PHACTR1: variants seen among roughly 807,000 people sequenced by gnomAD.
PHACTR1 encodes the protein RPEL repeat containing 1.
In PHACTR1, 16 loss-of-function variants were observed where a neutral mutation model predicts 69.2. That is an observed-to-expected ratio of 0.23 (90% CI 0.16 to 0.35). The LOEUF (loss-of-function observed/expected upper bound fraction) is 0.35. PHACTR1 is among the 10% of genes least tolerant of loss of function. The probability of loss-of-function intolerance (pLI) is 1.00; values close to 1 mark genes in which losing one functional copy is unlikely to be tolerated. For synonymous variants in PHACTR1, 312 were observed against 284.5 expected (o/e 1.10, Z -0.97); for missense variants, 510 against 734.7 (o/e 0.69, Z 3.54).
At chr6:12,839,383 G>A (rs1778471468) in intron 4 of PHACTR1, among the ~76,000 whole-genome samples, 1 of 152,108 alleles carries the variant, frequency 6.6e-6, no homozygotes, top group Non-Finnish European at 1.5e-5. Flanking sequence ...TTCCCTTCAA[G>A]TCAGTCAGCA....
intron 10 of PHACTR1, among the ~76,000 whole-genome samples, chr6:13,235,529 T>G (rs1771858819): frequency 6.6e-6 from 1 of 152,352 alleles, no homozygotes; most frequent in Admixed American, 6.5e-5. Context: ...GCTCTGGCAC[T>G]TCCTCACTTT....
chr6:13,206,632 AAAG>A (rs752997258), intron 8 of PHACTR1, among the ~76,000 whole-genome samples: 30 of 152,210 alleles, frequency 2.0e-4, no homozygotes, highest in Non-Finnish European at 3.7e-4. Context: ...TAATAAAAAC[AAAG>A]AAGATGATTA....
At chr6:13,160,712 T>C (rs933603511) in intron 6 of PHACTR1, among the ~76,000 whole-genome samples, 20 of 152,164 alleles carry the variant, frequency 1.3e-4, no homozygotes, top group African/African-American at 4.3e-4. Flanking sequence ...TGTTTGTTTG[T>C]TTGCTTTTGG....
At chr6:12,964,762 A>G (rs936270607) in intron 4 of PHACTR1, among the ~76,000 whole-genome samples, 5 of 152,202 alleles carry the variant, frequency 3.3e-5, no homozygotes, top group African/African-American at 7.2e-5. Context: ...ATGATAATAA[A>G]TAATAATAAT....
At chr6:12,829,687 G>T (rs1042684163) in intron 4 of PHACTR1, among the ~76,000 whole-genome samples, 8 of 152,066 alleles carry the variant, frequency 5.3e-5, no homozygotes, top group African/African-American at 1.9e-4. Flanking sequence ...AGGCGCGGTG[G>T]CTCATGCCTG....
At chr6:13,258,031 T>G (rs1775411885) in intron 10 of PHACTR1, among the ~76,000 whole-genome samples, 1 of 152,120 alleles carries the variant, frequency 6.6e-6, no homozygotes, top group Non-Finnish European at 1.5e-5. Context: ...AGTGCAGGTT[T>G]GAATTACCTG....
In PHACTR1 at chr6:13,002,929, T is replaced by A. The variant is rs1469852421; in HGVS notation, c.251-50436T>A. ...TAGGTAATGGAGCAGTGTCTATATA[T>A]TTACCTTGCATGCAAAACAAGTGTG... On this transcript the variant is annotated intron_variant, in intron 4 of 14. Transcript: ENST00000332995. Among the ~76,000 whole-genome samples the A allele has an allele frequency of 5.3e-5, 8 of 152,326 alleles. No homozygotes were observed. The East Asian group carries it at 9.6e-4, about 18-fold the overall frequency.
At chr6:13,192,961 G>C (rs1763802834) in intron 7 of PHACTR1, among the ~76,000 whole-genome samples, 1 of 152,130 alleles carries the variant, frequency 6.6e-6, no homozygotes, top group Non-Finnish European at 1.5e-5. Context: ...AATTAACCCT[G>C]ATTCCCCTGT....
chr6:12,733,765 G>A (rs960080716), intron 3 of PHACTR1, among the ~76,000 whole-genome samples: 6 of 152,162 alleles, frequency 3.9e-5, no homozygotes, highest in African/African-American at 1.4e-4. Context: ...TATCACTTGT[G>A]TGTACACTGA....
chr6:13,049,511 A>G (rs755515716), intron 4 of PHACTR1, among the ~76,000 whole-genome samples: 1 of 152,168 alleles, frequency 6.6e-6, no homozygotes, highest in Non-Finnish European at 1.5e-5. Flanking sequence ...TATTTTAAAA[A>G]CTTCACTTTT....
chr6:13,034,522 C>G (rs939613290), intron 4 of PHACTR1, among the ~76,000 whole-genome samples: 4 of 152,090 alleles, frequency 2.6e-5, no homozygotes, highest in Admixed American at 1.3e-4. Context: ...AGAAAGAGCT[C>G]AAGATGAAAA....
chr6:13,284,630 C>T (rs142593114), intron 13 of PHACTR1, among the ~76,000 whole-genome samples: 285 of 133,060 alleles, frequency 2.1e-3, no homozygotes, highest in African/African-American at 7.9e-3. Context: ...GTGTAGGTAA[C>T]GATAGAAACT....
Position 13,278,423 on chromosome 6 carries a change from C to G in PHACTR1, c.1509+94C>G, listed in dbSNP as rs908392827. The G allele has an allele frequency of 3.2e-5, 35 of 1,083,012 alleles. No homozygotes were observed. In the African/African-American group the frequency reaches 3.8e-4, roughly 12 times the overall value. The allele number at this position is 1,083,012 out of a possible 1,614,324, so 67.1% of individuals were successfully genotyped here. ...GCTGGCCTCAGTGGCCTCACCGCTG[C>G]CTGGTTCCTCTCCTCCTGTGTCAGA... On this transcript the variant is annotated intron_variant, in intron 12 of 14. Coordinates refer to ENST00000332995, the MANE Select transcript of PHACTR1 (RefSeq NM_030948.6).
intron 4 of PHACTR1, among the ~76,000 whole-genome samples, chr6:12,927,336 T>A (rs186271371): frequency 1.3e-5 from 2 of 152,214 alleles, no homozygotes; most frequent in Non-Finnish European, 2.9e-5. Flanking sequence ...CTTCTTTGTC[T>A]TTATATCTTC....
intron 4 of PHACTR1, among the ~76,000 whole-genome samples, chr6:12,958,320 G>A (rs1792162747): frequency 6.6e-6 from 1 of 152,234 alleles, no homozygotes; most frequent in Admixed American, 6.5e-5. Flanking sequence ...CTTGCTGGGA[G>A]TCCTGGTGCC....
At chr6:12,803,812 C>T (rs1238815967) in intron 4 of PHACTR1, among the ~76,000 whole-genome samples, 1 of 152,098 alleles carries the variant, frequency 6.6e-6, no homozygotes, top group African/African-American at 2.4e-5. Context: ...GCAGGGCATT[C>T]CCAGTTGTGA....
rs200780858 is a variant in PHACTR1, at chr6:12,919,726, T to C, written c.251-133639T>C. The stretch of plus-strand genomic sequence containing the variant: ...TCAAGTTAAGCCATCATTTTATGTG[T>C]AGAGAGTTAAATATGTATTATGCCT... On this transcript the variant is annotated intron_variant, in intron 4 of 14. Coordinates refer to ENST00000332995, the MANE Select transcript of PHACTR1 (RefSeq NM_030948.6). 2.0e-5 allele frequency among the ~76,000 whole-genome samples: 3 copies of C among 152,318 alleles called. No individual in the cohort carries two copies. In the East Asian group the frequency reaches 5.8e-4, roughly 29 times the overall value.
chr6:12,931,577 T>A (rs1379093433), intron 4 of PHACTR1, among the ~76,000 whole-genome samples: 1 of 152,100 alleles, frequency 6.6e-6, no homozygotes, highest in Non-Finnish European at 1.5e-5. Flanking sequence ...AGCAAATACA[T>A]TTTTTAAGTC....
chr6:13,190,196 G>GTTTTTTTTTTT lies in PHACTR1; in HGVS notation c.664+7511_664+7512insTTTTTTTTTTT, dbSNP rs1220683843. Among the ~76,000 whole-genome samples the GTTTTTTTTTTT allele has an allele frequency of 7.6e-3, 241 of 31,688 alleles. 4 individuals are homozygous for GTTTTTTTTTTT. The highest frequency in any genetic ancestry group is 0.017 in the African/African-American group (161 of 9,460). 20.8% of individuals were successfully genotyped at this position (31,688 alleles called of 152,430 possible). On this transcript the variant is annotated intron_variant, in intron 7 of 14. Transcript: ENST00000332995. Reference sequence around the variant, plus strand: ...GTGCCACTATGCTCAGCTAATTTTTGTATTTTTTTTTTTTTTTTAGTAGAG... The same window carrying GTTTTTTTTTTT: ...GTGCCACTATGCTCAGCTAATTTTTGTTTTTTTTTTTTATTTTTTTTTTTTTTTTAGTAGAG...
Sources: allele counts gnomAD v4.1 joint callset (sites outside exome capture counted in the v4.1 genomes callset), GRCh38; gene constraint gnomAD v4.1.1; transcripts MANE v1.5; gene names NCBI Gene and HGNC (gene_info 2026-07-23, HGNC 2026-07-21).